STIL: variants seen among roughly 807,000 people sequenced by gnomAD.
STIL encodes STIL centriolar assembly protein, also known as SCL-interrupting locus protein.
In STIL, 55 loss-of-function variants were observed where a neutral mutation model predicts 110.1. The observed-to-expected ratio is 0.50, with a 90% CI of 0.40 to 0.63. The LOEUF (loss-of-function observed/expected upper bound fraction) is 0.63, where lower values mean the gene tolerates loss of function less well. Among genes scored for constraint, STIL ranks in the 20% least tolerant of loss-of-function variants. The pLI is 0.00. For missense variants in STIL, 1,358 were observed against 1,530.0 expected (o/e 0.89, Z 1.87); for synonymous variants, 481 against 530.0 (o/e 0.91, Z 1.27).
chr1:47,281,243 T>C, intron 11 of STIL, 34 bp from the exon 12 acceptor site: 1 of 1,590,266 alleles, frequency 6.3e-7, no homozygotes, highest in Middle Eastern at 1.7e-4. Context: ...AAAAAAAGTA[T>C]TTTTTTGGAG....
chr1:47,282,211 A>C (rs1412783401), intron 11 of STIL, 134 bp downstream of exon 11: 19 of 654,286 alleles, frequency 2.9e-5, no homozygotes, highest in Non-Finnish European at 5.2e-5. Flanking sequence ...TATAGATATA[A>C]CCATAGAGAT....
intron 6 of STIL, among the ~76,000 whole-genome samples, chr1:47,297,243 G>A (rs1481814724): frequency 6.6e-6 from 1 of 151,976 alleles, no homozygotes; most frequent in Admixed American, 6.6e-5. Context: ...TTGGGAGGCT[G>A]AGGCAGGAGA....
At chr1:47,289,856 T>A (rs1645425025) in intron 8 of STIL, among the ~76,000 whole-genome samples, 2 of 146,628 alleles carry the variant, frequency 1.4e-5, no homozygotes, top group African/African-American at 2.6e-5. Flanking sequence ...GAGAATGGCG[T>A]GAACCCGGGA....
intron 14 of STIL, among the ~76,000 whole-genome samples, chr1:47,263,816 C>T (rs1057172417): frequency 4.4e-5 from 6 of 134,904 alleles, no homozygotes; most frequent in African/African-American, 1.8e-4. Flanking sequence ...GTAGTGGCGT[C>T]ATCTCGGCTG....
intron 8 of STIL, among the ~76,000 whole-genome samples, chr1:47,289,938 C>CAAAA (rs59432279): frequency 4.8e-5 from 5 of 104,010 alleles, no homozygotes; most frequent in African/African-American, 1.7e-4. Flanking sequence ...ACTCCGTCTC[C>CAAAA]AAAAAAAAAA....
In STIL at chr1:47,251,472, T is replaced by C. The variant is rs1217505267; in HGVS notation, c.3531A>G (p.Glu1177=). The C allele has an allele frequency of 6.2e-7, 1 of 1,614,238 alleles. No individual in the cohort carries two copies. The highest frequency in any genetic ancestry group is 1.3e-5 in the African/African-American group (1 of 75,064). Residue 1177 remains glutamate (E), a synonymous_variant, in exon 17 of 17, where the codon GAA becomes GAG. Coordinates refer to ENST00000371877, the MANE Select transcript of STIL (RefSeq NM_001048166.1). ...GQKEPSKNDH[E]IINCSNCESV... ...ATTCACAGTTAGAACAATTAATTATTTCATGGTCATTCTTAGAAGGCTCTT... is the reference window on the plus strand; with the variant it reads ...ATTCACAGTTAGAACAATTAATTATCTCATGGTCATTCTTAGAAGGCTCTT...
chr1:47,268,878 G>C lies in STIL; in HGVS notation c.2615+757C>G, dbSNP rs968533181. ...GGAGGCCGAGGCAGGCAGATCACGA[G>C]GTCAGGAGATCGAGGCCATCCTGGC... On this transcript the variant is annotated intron_variant, in intron 14 of 16. Coordinates refer to ENST00000371877, the MANE Select transcript of STIL (RefSeq NM_001048166.1). 5.9e-5 allele frequency among the ~76,000 whole-genome samples: 9 copies of C among 152,138 alleles called. No individual in the cohort carries two copies. The East Asian group carries it at 1.7e-3, about 29-fold the overall frequency.
chr1:47,267,226 T>C (rs749343621), intron 14 of STIL, among the ~76,000 whole-genome samples: 16 of 152,306 alleles, frequency 1.1e-4, no homozygotes, highest in Non-Finnish European at 2.1e-4. Flanking sequence ...TTGATCACTC[T>C]AGTTTACTTT....
chr1:47,276,015 C>A (rs12125992), intron 12 of STIL, among the ~76,000 whole-genome samples: 2 of 112,038 alleles, frequency 1.8e-5, no homozygotes, highest in African/African-American at 6.4e-5. Flanking sequence ...TTTTTTTTTT[C>A]TTTTTGAGAC....
At chr1:47,309,624 A>G (rs929094159) in intron 2 of STIL, among the ~76,000 whole-genome samples, 1 of 152,192 alleles carries the variant, frequency 6.6e-6, no homozygotes, top group Non-Finnish European at 1.5e-5. Context: ...AAAAATTCAC[A>G]TGTCAGCATT....
chr1:47,304,741 G>T, intron 3 of STIL, 148 bp downstream of exon 3: 1 of 660,438 alleles, frequency 1.5e-6, no homozygotes, highest in Non-Finnish European at 2.7e-6. Context: ...ATGTTAAGAA[G>T]CAGAAGGAAA....
intron 14 of STIL, among the ~76,000 whole-genome samples, chr1:47,268,776 TAAA>T (rs1226692742): frequency 0.078 from 11,740 of 150,134 alleles, 1,408 homozygotes; most frequent in African/African-American, 0.26. Flanking sequence ...AATAAATAAA[TAAA>T]TAAATAAATA....
Position 47,281,010 on chromosome 1 carries a change from G to A in STIL, c.1448C>T (p.Pro483Leu). Residue 483 changes from proline (P) to leucine (L), a missense_variant, in exon 12 of 17, where the codon CCT (proline) becomes CTT (leucine). Pro to Leu is a moderately conservative substitution (Grantham distance 98). Coordinates refer to ENST00000371877, the MANE Select transcript of STIL (RefSeq NM_001048166.1). ...CTGATTTGGTATTCCTCTCAAGGAA[G>A]GCTCTCCAGCTTCAACTTCTGGACT... ...KHSPEVEAGE[P>L]SLRGIPNQLN... is the part of the protein sequence containing the mutation. 1 of 1,614,094 alleles carries A rather than the reference G, an allele frequency of 6.2e-7. No homozygotes were observed. The highest frequency in any genetic ancestry group is 8.5e-7 in the Non-Finnish European group (1 of 1,180,002).
At chr1:47,257,058 T>C (rs1644349702) in intron 16 of STIL, among the ~76,000 whole-genome samples, 1 of 151,784 alleles carries the variant, frequency 6.6e-6, no homozygotes, top group South Asian at 2.1e-4. Context: ...CTTTGAAGGA[T>C]AAGGATTTTG....
chr1:47,279,210 G>A (rs1011915742), intron 12 of STIL, among the ~76,000 whole-genome samples: 2 of 151,408 alleles, frequency 1.3e-5, no homozygotes, highest in African/African-American at 4.9e-5. Flanking sequence ...GTGAACCCGG[G>A]AGGCGGAGCT....
chr1:47,307,885 C>T (rs1477201732), intron 2 of STIL, among the ~76,000 whole-genome samples: 1 of 152,214 alleles, frequency 6.6e-6, no homozygotes, highest in Non-Finnish European at 1.5e-5. Flanking sequence ...GTACCTGTCT[C>T]TTATGGTCGA....
rs1159391669 is a variant in STIL at position 47,272,191 on chromosome 1, T to C, written c.2268A>G (p.Thr756=). 6.2e-7 allele frequency: 1 copy of C among 1,614,204 alleles called. No homozygotes were observed. Among genetic ancestry groups the C allele is most frequent in the African/African-American group, 1.3e-5 (1 of 75,056 alleles). The part of the protein sequence containing the change: ...AQSLMPCSPK[T]TAVEDTVQAG... ...CTTGCACTGTGTCTTCAACAGCAGT[T>C]GTCTTAGGGGAACAGGGCATCAGAG... Residue 756 remains threonine, a synonymous_variant, in exon 13 of 17, where the codon ACA becomes ACG. Coordinates refer to ENST00000371877, the MANE Select transcript of STIL (RefSeq NM_001048166.1).
At chr1:47,308,384 C>T (rs1284241786) in intron 2 of STIL, among the ~76,000 whole-genome samples, 1 of 147,702 alleles carries the variant, frequency 6.8e-6, no homozygotes, top group Admixed American at 6.9e-5. Context: ...TCCCCCGATA[C>T]TGTCTCAAAA....
upstream of STIL, chr1:47,314,256 T>G (rs1431509673): frequency 1.3e-5 from 2 of 152,226 alleles, no homozygotes; most frequent in Admixed American, 1.3e-4. Context: ...CCGCGCACGG[T>G]CGCCGTTACG....
Sources: gnomAD v4.1 joint callset for allele counts (sites outside exome capture counted in the v4.1 genomes callset) on GRCh38, gnomAD v4.1.1 for gene constraint, MANE v1.5 for transcripts, NCBI Gene and HGNC (gene_info 2026-07-23, HGNC 2026-07-21) for gene names.